Variants in COL27A1 observed in about 807,000 individuals in gnomAD.
The protein encoded by COL27A1 is collagen type XXVII alpha 1 chain.
COL27A1 carries 106 observed loss-of-function variants against 251.3 expected under a neutral mutation model. The ratio of observed to expected loss-of-function variants is 0.42; its 90% CI spans 0.36 to 0.50. The LOEUF is 0.50. Ranked by LOEUF, COL27A1 falls within the 20% of genes least tolerant of loss-of-function variation. The probability of loss-of-function intolerance (pLI) is 0.00; values close to 1 mark genes in which losing one functional copy is unlikely to be tolerated. For synonymous variants in COL27A1, 1,000 were observed against 986.3 expected (o/e 1.01, Z -0.26); for missense variants, 2,325 against 2,522.8 (o/e 0.92, Z 1.68).
chr9:114,250,471 G>A (rs557510915), intron 24 of COL27A1, 144 bp from the exon 25 acceptor site: 81 of 696,576 alleles, frequency 1.2e-4, no homozygotes, highest in African/African-American at 1.1e-3. Context: ...GAGAGGCAGC[G>A]CTCTCCCCGG....
Position 114,205,723 on chromosome 9 carries a change from T to A in COL27A1, c.2170-36T>A, listed in dbSNP as rs552025081. On this transcript the variant is annotated intron_variant, in intron 8 of 60. Coordinates refer to ENST00000356083, the MANE Select transcript of COL27A1 (RefSeq NM_032888.4). The stretch of plus-strand genomic sequence containing the variant: ...CCCAGACCCAGAGCTGGGCAGGGTC[T>A]TTCTTTTCCTTATGTTTCTCTCTGT... The A allele has an allele frequency of 3.3e-5, 53 of 1,607,144 alleles. No individual in the cohort carries two copies. In the South Asian group the frequency reaches 4.8e-4, roughly 15 times the overall value.
chr9:114,177,044 G>C (rs960157240), intron 3 of COL27A1, among the ~76,000 whole-genome samples: 1 of 152,200 alleles, frequency 6.6e-6, no homozygotes, highest in Non-Finnish European at 1.5e-5. Context: ...CGAAAGCCTG[G>C]CTTCCTTCAA....
At position 114,311,530 on chromosome 9, in the gene COL27A1, AAAAAG is replaced by A. The variant is rs1467575678; in HGVS notation, c.*845_*849del. Reference sequence around the variant, plus strand: ...TCATCAGGTAATCTGCTAAGGAGGAAAAAAGAAAAGAAAAAAGGAAAAAAAAAAAA... The same window carrying A: ...TCATCAGGTAATCTGCTAAGGAGGAAAAAAGAAAAAAGGAAAAAAAAAAAA... On this transcript the variant is annotated 3_prime_UTR_variant, in exon 61 of 61. Transcript: ENST00000356083. 1 of 149,608 alleles carries A rather than the reference AAAAAG, an allele frequency of 6.7e-6. No homozygotes were observed. The highest frequency in any genetic ancestry group is 1.5e-5 in the Non-Finnish European group (1 of 67,828). 9.3% of individuals were successfully genotyped at this position (149,608 alleles called of 1,614,324 possible).
intron 29 of COL27A1, 61 bp downstream of exon 29, chr9:114,264,469 C>T: frequency 7.6e-7 from 1 of 1,311,922 alleles, no homozygotes; most frequent in African/African-American, 1.5e-5. Flanking sequence ...GAATCGTGAA[C>T]AAGGCTCACA....
In COL27A1 at chr9:114,162,734, A is replaced by C. The variant is rs757128525; in HGVS notation, c.82A>C (p.Ile28Leu). The change falls in exon 2 of 61, where the codon ATC becomes CTC. Residue 28 changes from isoleucine to leucine, a missense_variant. Transcript: ENST00000356083. ...CTCTAGGGGGTTTCTCTTCTCCTGG[A>C]TCTTAGTCTCGTTTGCCTGTCACCT... ...ARGGGFLFSW[I>L]LVSFACHLAS... 6.2e-7 allele frequency: 1 copy of C among 1,611,836 alleles called. No homozygotes were observed. The highest frequency in any genetic ancestry group is 2.2e-5 in the East Asian group (1 of 44,706).
At chr9:114,284,810 C>A in intron 41 of COL27A1, 33 bp downstream of exon 41, 1 of 1,612,726 alleles carries the variant, frequency 6.2e-7, no homozygotes, top group East Asian at 2.2e-5. Context: ...GCAGCTGCAC[C>A]CTCGTGTCTG....
At chr9:114,243,476 C>T in intron 22 of COL27A1, 31 bp from the exon 23 acceptor site, 1 of 1,609,048 alleles carries the variant, frequency 6.2e-7, no homozygotes, top group South Asian at 1.1e-5. Flanking sequence ...CCCTGTCCAG[C>T]TTCTCCCACT....
intron 6 of COL27A1, among the ~76,000 whole-genome samples, chr9:114,195,161 C>G (rs1389173104): frequency 6.6e-6 from 1 of 152,176 alleles, no homozygotes; most frequent in African/African-American, 2.4e-5. Context: ...GGACACAGCC[C>G]CAGAGCCATC....
chr9:114,289,145 A>AACCC, intron 44 of COL27A1, 97 bp from the exon 45 acceptor site: 5 of 1,237,888 alleles, frequency 4.0e-6, no homozygotes, highest in Non-Finnish European at 5.7e-6. Flanking sequence ...TGCACCCCCA[A>AACCC]ACCCCTCCCC....
At chr9:114,181,933 T>A (rs909314600) in intron 4 of COL27A1, among the ~76,000 whole-genome samples, 1 of 152,174 alleles carries the variant, frequency 6.6e-6, no homozygotes, top group Non-Finnish European at 1.5e-5. Context: ...GCTTGGAGCT[T>A]GCAGGTGTCT....
At chr9:114,196,972 G>A (rs1829181714) in intron 7 of COL27A1, among the ~76,000 whole-genome samples, 1 of 152,142 alleles carries the variant, frequency 6.6e-6, no homozygotes, top group Non-Finnish European at 1.5e-5. Context: ...GTTATTTTGA[G>A]CCACCAGGCA....
chr9:114,265,389 G>A, intron 31 of COL27A1, 33 bp from the exon 32 acceptor site: 1 of 1,606,238 alleles, frequency 6.2e-7, no homozygotes, highest in Non-Finnish European at 8.5e-7. Flanking sequence ...AGGCCATGGA[G>A]GGCCTAAGGT....
At chr9:114,278,143 G>C (rs935497582) in intron 37 of COL27A1, among the ~76,000 whole-genome samples, 15 of 151,694 alleles carry the variant, frequency 9.9e-5, no homozygotes, top group Admixed American at 3.3e-4. Flanking sequence ...GAGGCTGGTG[G>C]TGGCTGGTGG....
At chr9:114,162,451 C>T (rs1048446224) in intron 1 of COL27A1, among the ~76,000 whole-genome samples, 2 of 152,172 alleles carry the variant, frequency 1.3e-5, no homozygotes, top group South Asian at 2.1e-4. Context: ...GCTTCTTCCC[C>T]GTTGACGTTG....
intron 1 of COL27A1, 26 bp downstream of exon 1, chr9:114,156,038 C>T (rs749285401): frequency 1.4e-4 from 182 of 1,296,878 alleles, no homozygotes; most frequent in Non-Finnish European, 1.7e-4. Context: ...GGGACGCCCC[C>T]TCCCTAGCTT....
chr9:114,218,039 A>G, intron 12 of COL27A1: 1 of 354,360 alleles, frequency 2.8e-6, no homozygotes, highest in Non-Finnish European at 5.6e-6. Flanking sequence ...ACTAGGAGGC[A>G]GAGGTTGCAG....
intron 28 of COL27A1, among the ~76,000 whole-genome samples, chr9:114,263,393 G>A (rs1834493262): frequency 6.6e-6 from 1 of 152,054 alleles, no homozygotes; most frequent in Non-Finnish European, 1.5e-5. Context: ...GGGCCAGGAT[G>A]GGCTGGCCTC....
chr9:114,281,788 ACC>A (rs563177900), intron 37 of COL27A1, among the ~76,000 whole-genome samples: 480 of 152,232 alleles, frequency 3.2e-3, no homozygotes, highest in Middle Eastern at 0.01. Flanking sequence ...CGCAGCTGGG[ACC>A]CTGGGCAAAA....
intron 45 of COL27A1, among the ~76,000 whole-genome samples, chr9:114,289,799 A>G (rs895808060): frequency 1.3e-5 from 2 of 151,820 alleles, no homozygotes; most frequent in Admixed American, 1.3e-4. Flanking sequence ...GATCCAGTGG[A>G]ACTGTGGCCT....
Sources: allele counts gnomAD v4.1 joint callset (sites outside exome capture counted in the v4.1 genomes callset), GRCh38; gene constraint gnomAD v4.1.1; transcripts MANE v1.5; gene names NCBI Gene and HGNC (gene_info 2026-07-23, HGNC 2026-07-21).